Variants in RTEL1 observed in about 807,000 individuals in gnomAD.
The protein encoded by RTEL1 is regulator of telomere elongation helicase 1.
In RTEL1, 86 loss-of-function variants were observed where a neutral mutation model predicts 162.2. That is an observed-to-expected ratio of 0.53 (90% CI 0.45 to 0.63). The LOEUF (loss-of-function observed/expected upper bound fraction) is 0.63, where lower values mean the gene tolerates loss of function less well. Among genes scored for constraint, RTEL1 ranks in the 30% least tolerant of loss-of-function variants. RTEL1 has a pLI of 0.00. For synonymous variants in RTEL1, 958 were observed against 717.9 expected (o/e 1.33, Z -5.35); for missense variants, 1,941 against 1,750.2 (o/e 1.11, Z -1.95).
intron 8 of RTEL1, among the ~76,000 whole-genome samples, chr20:63,669,696 G>A (rs1218357738): frequency 1.4e-5 from 2 of 147,250 alleles, no homozygotes; most frequent in African/African-American, 5.1e-5. Context: ...CCGGACAGAC[G>A]TTTCGCCAAG....
chr20:63,692,779 T>G lies in RTEL1; in HGVS notation c.2653-26T>G, dbSNP rs1036180883. On this transcript the variant is annotated intron_variant, in intron 28 of 34. Coordinates refer to ENST00000360203, the MANE Select transcript of RTEL1 (RefSeq NM_001283009.2). ...GACCAGATGATGAGGCTGGCCCTGA[T>G]GGAGCCTCGGGCCTGTGTCCTGCAG... 3.8e-6 allele frequency: 6 copies of G among 1,598,020 alleles called. No homozygotes were observed. The Admixed American group carries it at 6.7e-5, about 18-fold the overall frequency.
chr20:63,689,960 C>G, intron 24 of RTEL1, 95 bp downstream of exon 24: 1 of 1,551,340 alleles, frequency 6.4e-7, no homozygotes, highest in Non-Finnish European at 8.7e-7. Context: ...GCCCCGTCTC[C>G]TCCAGAGCCT....
rs758775121 is a variant in RTEL1 at position 63,694,965 on chromosome 20, C to T, written c.3334C>T (p.Leu1112=). The T allele has an allele frequency of 3.1e-6, 5 of 1,612,438 alleles. No homozygotes were observed. The highest frequency in any genetic ancestry group is 1.1e-5 in the South Asian group (1 of 91,080). ...CACTGCAAAGCCAGAGGACTTCCCCCTGCTGCACAGCAAGTGGCCCTGGCG... is the reference window on the plus strand; with the variant it reads ...CACTGCAAAGCCAGAGGACTTCCCCTTGCTGCACAGCAAGTGGCCCTGGCG... ...LTTAKPEDFP[L]LHRFSMFVRP... is the part of the protein sequence containing the mutation. Residue 1112 remains leucine (L), a synonymous_variant, in exon 32 of 35, where the codon CTG becomes TTG. Coordinates refer to ENST00000360203, the MANE Select transcript of RTEL1 (RefSeq NM_001283009.2).
intron 13 of RTEL1, among the ~76,000 whole-genome samples, 193 bp from the exon 14 acceptor site, chr20:63,680,471 T>A (rs2090456771): frequency 6.6e-6 from 1 of 152,228 alleles, no homozygotes; most frequent in South Asian, 2.1e-4. Context: ...CTGCCTGGCT[T>A]CTCTCCTGGC....
chr20:63,665,082 G>A, intron 6 of RTEL1: 1 of 155,866 alleles, frequency 6.4e-6, no homozygotes, highest in Non-Finnish European at 1.4e-5. Flanking sequence ...GGGAGTATCT[G>A]GGGTTGGGTC....
Position 63,689,734 on chromosome 20 carries a change from C to A in RTEL1, c.2026-16C>A. On this transcript the variant is annotated splice_polypyrimidine_tract_variant and intron_variant, in intron 23 of 34. Coordinates refer to ENST00000360203, the MANE Select transcript of RTEL1 (RefSeq NM_001283009.2). ...GGCCAAGGGAGCCCCCGTGACCGAG[C>A]CGCCTCGCCCCACAGTTCCTCTCTG... is the stretch of plus-strand genomic sequence containing the variant. 6.2e-7 allele frequency: 1 copy of A among 1,608,546 alleles called. No individual in the cohort carries two copies. Among genetic ancestry groups the A allele is most frequent in the Non-Finnish European group, 8.5e-7 (1 of 1,177,144 alleles).
intron 4 of RTEL1, chr20:63,662,273 T>A: frequency 1.5e-6 from 1 of 654,422 alleles, no homozygotes; most frequent in Non-Finnish European, 2.7e-6. Flanking sequence ...GAGGCCCTGC[T>A]GCTTGTCAGA....
chr20:63,687,695 G>T lies in RTEL1; in HGVS notation c.1406G>T (p.Arg469Leu), dbSNP rs779627326. 8.1e-6 allele frequency: 13 copies of T among 1,607,310 alleles called. No individual in the cohort carries two copies. The highest frequency in any genetic ancestry group is 3.3e-5 in the South Asian group (3 of 90,262). Residue 469 changes from arginine to leucine, a missense_variant, in exon 17 of 35, where the codon CGC becomes CTC. Coordinates refer to ENST00000360203, the MANE Select transcript of RTEL1 (RefSeq NM_001283009.2). ...GGCCACAGCATGCACGAGCTGGTCC[G>T]CCAGGGCGTCCGCTCCCTCATCCTT... ...SPGHSMHELV[R>L]QGVRSLILTS...
intron 27 of RTEL1, 63 bp downstream of exon 27, chr20:63,691,010 G>A (rs1054146925): frequency 1.8e-5 from 27 of 1,462,990 alleles, no homozygotes; most frequent in East Asian, 1.0e-4. Flanking sequence ...ACCCGACCCC[G>A]CCCATCTGGC....
chr20:63,693,462 T>A (rs13040918), intron 30 of RTEL1, among the ~76,000 whole-genome samples, 179 bp downstream of exon 30: 1,784 of 9,458 alleles, frequency 0.19, 227 homozygotes, highest in Middle Eastern at 0.24. Context: ...CACCTCCACC[T>A]CCACCTCCAC....
rs199685200 is a variant in RTEL1, at chr20:63,662,884, T to C, written c.533T>C (p.Val178Ala). Residue 178 changes from valine to alanine, a missense_variant, in exon 6 of 35, where the codon GTA (valine) becomes GCA (alanine). Transcript: ENST00000360203. ...CGCTCCTGTCATTTCTACAACAACG[T>C]AGAAGGTACAAGCAGCTGGGTGGGA... Reference protein sequence around the residue: ...ASRSCHFYNNVEEKSLEQELA... With the variant: ...ASRSCHFYNNAEEKSLEQELA... 1.2e-5 allele frequency: 20 copies of C among 1,613,862 alleles called. No homozygotes were observed. In the East Asian group the frequency reaches 3.8e-4, roughly 31 times the overall value.
intron 15 of RTEL1, 37 bp downstream of exon 15, chr20:63,685,634 C>G (rs752602604): frequency 6.3e-7 from 1 of 1,598,546 alleles, no homozygotes; most frequent in African/African-American, 1.3e-5. Context: ...GGAGGGCAGC[C>G]CTTGTTCCCC....
chr20:63,693,462 T>TTCACCA lies in RTEL1; in HGVS notation c.2992+179_2992+180insTCACCA, dbSNP rs377133003. 3.0e-3 allele frequency among the ~76,000 whole-genome samples: 29 copies of TTCACCA among 9,550 alleles called. 6 individuals carry two copies. The highest frequency in any genetic ancestry group is 0.01 in the East Asian group (6 of 578). 6.3% of individuals were successfully genotyped at this position (9,550 alleles called of 152,430 possible). ...CAGCACCAGCAGCACCACCTCCACCTCCACCTCCACCTCCACCTCCACCAC... is the reference window on the plus strand; with the variant it reads ...CAGCACCAGCAGCACCACCTCCACCTTCACCACCACCTCCACCTCCACCTCCACCAC... On this transcript the variant is annotated intron_variant, in intron 30 of 34. Coordinates refer to ENST00000360203, the MANE Select transcript of RTEL1 (RefSeq NM_001283009.2).
In RTEL1 at chr20:63,673,894, C is replaced by T. The variant is rs751636431; in HGVS notation, c.766-46C>T. The T allele has an allele frequency of 3.0e-5, 47 of 1,547,752 alleles. No homozygotes were observed. The South Asian group carries it at 3.8e-4, about 12-fold the overall frequency. The stretch of plus-strand genomic sequence containing the variant: ...CCCCATTTCTGCTTTCTGGAACCCC[C>T]GATCCTGTCCTGTTCTGTGGTGATT... On this transcript the variant is annotated intron_variant, in intron 9 of 34. Transcript: ENST00000360203.
Position 63,696,005 on chromosome 20 carries a change from G to A in RTEL1, c.*147G>A. 1.3e-6 allele frequency: 1 copy of A among 771,542 alleles called. No individual in the cohort carries two copies. Among genetic ancestry groups the A allele is most frequent in the African/African-American group, 1.7e-5 (1 of 57,474 alleles). 47.8% of individuals were successfully genotyped at this position (771,542 alleles called of 1,614,324 possible). A position where few individuals can be genotyped will look rare whatever the true frequency, so the allele number is the denominator to read the frequency against. Reference sequence around the variant, plus strand: ...AGGCCTCAGGCAGGCGGGGCCCATGGTTGGTCCCTGCGGTGGGACCGGATC... The same window carrying A: ...AGGCCTCAGGCAGGCGGGGCCCATGATTGGTCCCTGCGGTGGGACCGGATC... On this transcript the variant is annotated 3_prime_UTR_variant, in exon 35 of 35. Transcript: ENST00000360203.
At chr20:63,690,486 C>CG in intron 26 of RTEL1, 45 bp downstream of exon 26, 1 of 491,080 alleles carries the variant, frequency 2.0e-6, no homozygotes, top group Non-Finnish European at 3.3e-6. Context: ...GGTGGCGGAG[C>CG]GGGCGGCGTG....
chr20:63,689,245 C>G (rs1177479794), intron 22 of RTEL1, 113 bp downstream of exon 22: 1 of 1,095,062 alleles, frequency 9.1e-7, no homozygotes, highest in Non-Finnish European at 1.3e-6. Flanking sequence ...TCCTTGGGTC[C>G]CACGAGAGCG....
At chr20:63,694,538 G>T (rs200520346) in intron 31 of RTEL1, 50 bp downstream of exon 31, 1 of 1,442,148 alleles carries the variant, frequency 6.9e-7, no homozygotes, top group Non-Finnish European at 9.6e-7. Flanking sequence ...GGGTCCCTCA[G>T]TGGCTTCACG....
At chr20:63,681,308 G>A in intron 14 of RTEL1, 1 of 985,394 alleles carries the variant, frequency 1.0e-6, no homozygotes, top group Non-Finnish European at 1.2e-6. Context: ...GGTTTGTGGA[G>A]GGCACGCCCC....
Sources: allele counts gnomAD v4.1 joint callset (sites outside exome capture counted in the v4.1 genomes callset), GRCh38; gene constraint gnomAD v4.1.1; transcripts MANE v1.5; gene names NCBI Gene and HGNC (gene_info 2026-07-23, HGNC 2026-07-21).